Variants in SPRY3 observed in about 807,000 individuals in gnomAD.
The protein encoded by SPRY3 is sprouty RTK signaling antagonist 3.
In SPRY3, 15 loss-of-function variants were observed where a neutral mutation model predicts 20.2. That is an observed-to-expected ratio of 0.74 (90% CI 0.50 to 1.14). SPRY3 has a LOEUF of 1.14. SPRY3 is among the 50% of genes most tolerant of loss of function. SPRY3 has a pLI of 0.00. For synonymous variants in SPRY3, 143 were observed against 136.5 expected, an observed-to-expected ratio of 1.05 and a Z score of -0.33; for missense variants, 364 against 363.9, an observed-to-expected ratio of 1.00 and a Z score of 0.00.
intron 2 of SPRY3, among the ~76,000 whole-genome samples, chrX:155,711,575 G>A (rs2090986716): frequency 1.3e-5 from 2 of 151,140 alleles, no homozygotes; most frequent in African/African-American, 4.8e-5. Flanking sequence ...AAAAGTTTGT[G>A]AATTTTGTTT....
intron 1 of SPRY3, among the ~76,000 whole-genome samples, chrX:155,619,024 G>T (rs1174331916): frequency 9.0e-6 from 1 of 111,113 alleles, no homozygotes; most frequent in African/African-American, 3.3e-5. Context: ...ACAATATTCT[G>T]CAGAGTAAAA....
chrX:155,770,617 T>G (rs1410596640), intron 3 of SPRY3, among the ~76,000 whole-genome samples: 1 of 141,656 alleles, frequency 7.1e-6, no homozygotes, highest in African/African-American at 2.6e-5. Context: ...TAATAATATG[T>G]GATGTGTACA....
intron 2 of SPRY3, among the ~76,000 whole-genome samples, chrX:155,755,189 T>C (rs748893741): frequency 6.6e-6 from 1 of 152,160 alleles, no homozygotes; most frequent in African/African-American, 2.4e-5. Flanking sequence ...TAGTCAAAAC[T>C]TGCAGTAAAA....
At chrX:155,751,956 A>AATAAAATAAG (rs2091265184) in intron 2 of SPRY3, among the ~76,000 whole-genome samples, 1 of 148,318 alleles carries the variant, frequency 6.7e-6, no homozygotes, top group East Asian at 1.9e-4. Flanking sequence ...AATAAAATAA[A>AATAAAATAAG]ATAAAATAAA....
At chrX:155,773,495 A>C (rs1179494312) in intron 3 of SPRY3, among the ~76,000 whole-genome samples, 1 of 151,924 alleles carries the variant, frequency 6.6e-6, no homozygotes, top group Non-Finnish European at 1.5e-5. Context: ...TGAATGAGCT[A>C]GCTGCTCCTG....
chrX:155,636,616 T>C (rs193265043), intron 1 of SPRY3, among the ~76,000 whole-genome samples: 1 of 111,418 alleles, frequency 9.0e-6, no homozygotes, highest in Admixed American at 9.6e-5. Context: ...ATATATAAAC[T>C]GTATGCATAT....
intron 2 of SPRY3, among the ~76,000 whole-genome samples, chrX:155,659,104 C>CT (rs782779524): frequency 7.1e-5 from 6 of 83,946 alleles, no homozygotes; most frequent in East Asian, 7.9e-4. Context: ...TTTTTTCTTT[C>CT]TTCTTTCTTT....
chrX:155,733,399 C>T (rs987499179), intron 2 of SPRY3, among the ~76,000 whole-genome samples: 5 of 149,154 alleles, frequency 3.4e-5, no homozygotes, highest in African/African-American at 9.9e-5. Flanking sequence ...TATACATATA[C>T]ATATATATGC....
intron 1 of SPRY3, among the ~76,000 whole-genome samples, chrX:155,641,311 T>G (rs1471079428): frequency 8.9e-6 from 1 of 112,015 alleles, no homozygotes; most frequent in Non-Finnish European, 1.9e-5. Context: ...TTTATAGAAT[T>G]TGGTTTTCTA....
intron 3 of SPRY3, among the ~76,000 whole-genome samples, chrX:155,769,296 A>T (rs1316349549): frequency 3.3e-5 from 5 of 152,206 alleles, no homozygotes; most frequent in Non-Finnish European, 7.3e-5. Flanking sequence ...GAAGTAAAGA[A>T]CCTAAAGGAA....
intron 2 of SPRY3, among the ~76,000 whole-genome samples, chrX:155,683,839 G>C (rs2068080403): frequency 3.6e-5 from 4 of 112,153 alleles, no homozygotes; most frequent in Admixed American, 9.5e-5. Context: ...TGGGACAGAA[G>C]CCTGGGAAAG....
At chrX:155,727,439 C>T (rs932493412) in intron 2 of SPRY3, among the ~76,000 whole-genome samples, 5 of 152,110 alleles carry the variant, frequency 3.3e-5, no homozygotes, top group Non-Finnish European at 5.9e-5. Flanking sequence ...TTCAGGTACA[C>T]CTATCAGATG....
chrX:155,769,826 T>C (rs1425733920), intron 3 of SPRY3, among the ~76,000 whole-genome samples: 3 of 152,130 alleles, frequency 2.0e-5, no homozygotes, highest in Non-Finnish European at 4.4e-5. Context: ...CAACAAGATG[T>C]ATGCGGTAGG....
At chrX:155,752,387 A>T (rs867264364) in intron 2 of SPRY3, among the ~76,000 whole-genome samples, 1 of 151,776 alleles carries the variant, frequency 6.6e-6, no homozygotes, top group Non-Finnish European at 1.5e-5. Flanking sequence ...AATGGAAAAC[A>T]TGATCGATGA....
rs1456613194 is a variant in SPRY3 at position 155,691,265 on chromosome X, C to T, written c.-282+34240C>T. ...TTTTTGCATTGCTCAATTATATCAA[C>T]TTTGGAAACAAAAGGCATTATTCTA... On this transcript the variant is annotated intron_variant, in intron 2 of 3. Transcript: ENST00000675360. Among the ~76,000 whole-genome samples, 2 of 87,463 alleles carry T rather than the reference C, an allele frequency of 2.3e-5. 1 individual carries two copies. Among genetic ancestry groups the T allele is most frequent in the Non-Finnish European group, 4.3e-5 (2 of 46,836 alleles). 76.0% of individuals were successfully genotyped at this position (87,463 alleles called of 115,157 possible). A position where few individuals can be genotyped will look rare whatever the true frequency, so the allele number is the denominator to read the frequency against.
intron 3 of SPRY3, among the ~76,000 whole-genome samples, chrX:155,771,638 A>G (rs1478442078): frequency 6.6e-6 from 1 of 152,182 alleles, no homozygotes; most frequent in African/African-American, 2.4e-5. Flanking sequence ...AAGTTCCTAC[A>G]TCTACATACC....
chrX:155,657,743 G>A (rs2067996610), intron 2 of SPRY3, among the ~76,000 whole-genome samples: 1 of 112,261 alleles, frequency 8.9e-6, no homozygotes, highest in South Asian at 3.7e-4. Flanking sequence ...CAGAGCCCTG[G>A]TGGTGTAGGC....
At chrX:155,774,554 T>C in exon 4 of SPRY3, 4 of 1,613,942 alleles carry the variant, frequency 2.5e-6, no homozygotes, top group Non-Finnish European at 3.4e-6. Flanking sequence ...ATGAGCCTCA[T>C]CTCCCTCTTC....
intron 2 of SPRY3, among the ~76,000 whole-genome samples, chrX:155,762,918 G>A (rs899046020): frequency 4.6e-5 from 7 of 152,144 alleles, no homozygotes; most frequent in African/African-American, 1.4e-4. Flanking sequence ...GCACTCATAT[G>A]TTCTTTGCAG....
Sources: gnomAD v4.1 joint callset for allele counts (sites outside exome capture counted in the v4.1 genomes callset) on GRCh38, gnomAD v4.1.1 for gene constraint, MANE v1.5 for transcripts, NCBI Gene and HGNC (gene_info 2026-07-23, HGNC 2026-07-21) for gene names.